Variants in PLCD3 observed in about 807,000 individuals in gnomAD.
The protein encoded by PLCD3 is 1-phosphatidylinositol 4,5-bisphosphate phosphodiesterase delta-3.
A neutral mutation model predicts 82.8 loss-of-function variants in PLCD3; 62 were observed. The observed-to-expected ratio is 0.75, with a 90% confidence interval of 0.61 to 0.93. The LOEUF (loss-of-function observed/expected upper bound fraction) is 0.93. PLCD3 is among the 40% of genes least tolerant of loss of function. The pLI is 0.00. For synonymous variants in PLCD3, 478 were observed against 471.8 expected, an observed-to-expected ratio of 1.01 and a Z score of -0.17; for missense variants, 1,023 against 1,103.4, an observed-to-expected ratio of 0.93 and a Z score of 1.03.
chr17:45,121,050 C>T lies in PLCD3; in HGVS notation c.406G>A (p.Ala136Thr), dbSNP rs951387875. The T allele has an allele frequency of 6.5e-7, 1 of 1,540,430 alleles. No homozygotes were observed. Among genetic ancestry groups the T allele is most frequent in the Non-Finnish European group, 8.7e-7 (1 of 1,151,006 alleles). The change falls in exon 3 of 15, where the codon GCG (alanine) becomes ACG (threonine). Residue 136 changes from alanine (A) to threonine (T), a missense_variant. Around this residue, in one of 3 missense-constraint regions of PLCD3, gnomAD observed 448 missense variants for 406.3 expected, o/e 1.10. Coordinates refer to ENST00000619929, the MANE Select transcript of PLCD3 (RefSeq NM_133373.5). ...TTGAAGGCGATGGTGAGGCAGCGCG[C>T]TGGCGCGAAGGCACCCCCGAAGCGC... The part of the protein sequence containing the change: ...LRRFGGAFAP[A>T]RCLTIAFKGR...
chr17:45,119,882 G>A (rs2054322648), intron 4 of PLCD3, among the ~76,000 whole-genome samples: 1 of 152,226 alleles, frequency 6.6e-6, no homozygotes, highest in African/African-American at 2.4e-5. Context: ...TAGCTGCAGA[G>A]CCCACTCCTG....
At chr17:45,116,521 A>G (rs555930532) in intron 8 of PLCD3, 111 bp downstream of exon 8, 5 of 1,175,172 alleles carry the variant, frequency 4.3e-6, no homozygotes, top group Non-Finnish European at 5.8e-6. Flanking sequence ...GAGAAAAGTT[A>G]AGGCAGCAAG....
chr17:45,121,346 C>G lies in PLCD3; in HGVS notation c.190G>C (p.Ala64Pro). The G allele has an allele frequency of 2.6e-6, 4 of 1,542,316 alleles. No homozygotes were observed. The highest frequency in any genetic ancestry group is 3.5e-6 in the Non-Finnish European group (4 of 1,152,308). The change falls in exon 2 of 15, where the codon GCC (alanine) becomes CCC (proline). Residue 64 changes from alanine (A) to proline (P), a missense_variant. Transcript: ENST00000619929. ...CGGAGCCGGGAGCCCCGCAGCATGG[C>G]GCGCACGTCCTCGTCCTCCGTCAGG... The part of the protein sequence containing the change: ...MGLTEDEDVR[A>P]MLRGSRLRKI...
chr17:45,114,474 C>A, intron 10 of PLCD3, 108 bp from the exon 11 acceptor site: 1 of 785,714 alleles, frequency 1.3e-6, no homozygotes, highest in South Asian at 1.8e-5. Context: ...CCAGGTCACC[C>A]TGCCCCCGCT....
Position 45,128,557 on chromosome 17 carries a change from G to A in PLCD3, c.163+3691C>T, listed in dbSNP as rs553809832. On this transcript the variant is annotated intron_variant, in intron 1 of 14. Transcript: ENST00000619929. ...AGACATCCCAGGCAGGCCATGGGCC[G>A]AGCCCTCTCGCTCAGGGGCACTTGG... 1.3e-3 allele frequency among the ~76,000 whole-genome samples: 199 copies of A among 152,330 alleles called. 1 individual carries two copies. The highest frequency in any genetic ancestry group is 4.4e-3 in the African/African-American group (182 of 41,590).
At chr17:45,117,739 TTTC>T (rs1366245790) in intron 7 of PLCD3, among the ~76,000 whole-genome samples, 1 of 152,182 alleles carries the variant, frequency 6.6e-6, no homozygotes, top group Non-Finnish European at 1.5e-5. Context: ...CCCCAAAGGT[TTTC>T]TTCTGGAAAC....
intron 1 of PLCD3, 82 bp from the exon 2 acceptor site, chr17:45,121,454 C>T (rs1245626485): frequency 1.4e-5 from 20 of 1,409,072 alleles, no homozygotes; most frequent in Non-Finnish European, 1.8e-5. Context: ...ACCTGCTGCC[C>T]CATCCTCCAG....
At position 45,110,958 on chromosome 17, in the gene PLCD3, T is replaced by A. The variant is rs1440234104; in HGVS notation, c.*1658A>T. The A allele has an allele frequency of 2.6e-5, 4 of 152,218 alleles. No homozygotes were observed. The East Asian group carries it at 7.7e-4, about 29-fold the overall frequency. 9.4% of individuals were successfully genotyped at this position (152,218 alleles called of 1,614,324 possible). On this transcript the variant is annotated 3_prime_UTR_variant, in exon 15 of 15. Transcript: ENST00000619929. ...GTCTGCCCCAGCCCTGTGTTTTGGT[T>A]TCTGTGGGGCTTGGGGCCAGTTCAA...
rs1369592760 is a variant in PLCD3, at chr17:45,109,215, A to G, written c.*3401T>C. ...TGTTGTCAGACCCTTCCCACCCGCC[A>G]GAGACGAGCTGCTATTGACCCAGGT... On this transcript the variant is annotated 3_prime_UTR_variant, in exon 15 of 15. Transcript: ENST00000619929. 1 of 152,254 alleles carries G rather than the reference A, an allele frequency of 6.6e-6. No individual in the cohort carries two copies. The highest frequency in any genetic ancestry group is 2.4e-5 in the African/African-American group (1 of 41,440). The allele number at this position is 152,254 out of a possible 1,614,324, so 9.4% of individuals were successfully genotyped here. A position where few individuals can be genotyped will look rare whatever the true frequency, so the allele number is the denominator to read the frequency against.
In PLCD3 at chr17:45,118,275, C is replaced by A. The variant is rs758580117; in HGVS notation, c.1115+16G>T. 1.9e-6 allele frequency: 3 copies of A among 1,613,762 alleles called. No individual in the cohort carries two copies. Among genetic ancestry groups the A allele is most frequent in the Non-Finnish European group, 2.5e-6 (3 of 1,179,802 alleles). On this transcript the variant is annotated intron_variant, in intron 6 of 14. Coordinates refer to ENST00000619929, the MANE Select transcript of PLCD3 (RefSeq NM_133373.5). This position sits in a 1 kb window ranked among gnomAD's most constrained non-coding sequence, Gnocchi z 4.1. The stretch of plus-strand genomic sequence containing the variant: ...CAGGTGGGGCTCCCGGAAACATTCA[C>A]CCCCTGCTACAGTACCTAACATAGG...
intron 1 of PLCD3, among the ~76,000 whole-genome samples, chr17:45,126,247 C>T (rs543405226): frequency 2.0e-5 from 3 of 151,634 alleles, no homozygotes; most frequent in East Asian, 1.9e-4. Context: ...GGGGTTTCAC[C>T]GTGTTAGCCA....
intron 1 of PLCD3, among the ~76,000 whole-genome samples, chr17:45,128,563 T>G (rs2054398156): frequency 6.6e-6 from 1 of 152,198 alleles, no homozygotes; most frequent in South Asian, 2.1e-4. Context: ...GGCCGAGCCC[T>G]CTCGCTCAGG....
intron 8 of PLCD3, 45 bp from the exon 9 acceptor site, chr17:45,115,535 C>A (rs1382161752): frequency 1.3e-6 from 2 of 1,523,104 alleles, no homozygotes; most frequent in South Asian, 2.4e-5. Context: ...CCTTCTCGCC[C>A]CTGTGGCAGC....
In PLCD3 at chr17:45,111,372, G is replaced by A. The variant is rs1378530194; in HGVS notation, c.*1244C>T. 8.0e-6 allele frequency: 1 copy of A among 124,904 alleles called. No individual in the cohort carries two copies. Among genetic ancestry groups the A allele is most frequent in the East Asian group, 2.0e-4 (1 of 4,978 alleles). 7.7% of individuals were successfully genotyped at this position (124,904 alleles called of 1,614,324 possible). ...ATTCAAGGCCCCTCTGTGTATGTGT[G>A]AGTGTGTGTGTGTGTGTGTGTGTGT... On this transcript the variant is annotated 3_prime_UTR_variant, in exon 15 of 15. Coordinates refer to ENST00000619929, the MANE Select transcript of PLCD3 (RefSeq NM_133373.5).
chr17:45,119,177 G>A (rs1188572390), intron 4 of PLCD3, 134 bp from the exon 5 acceptor site: 7 of 678,788 alleles, frequency 1.0e-5, no homozygotes, highest in Admixed American at 8.7e-5. Flanking sequence ...AGTAAGACTT[G>A]TGACTCTAGC....
chr17:45,125,386 G>A (rs773448849), intron 1 of PLCD3, among the ~76,000 whole-genome samples: 2 of 152,230 alleles, frequency 1.3e-5, no homozygotes, highest in Non-Finnish European at 2.9e-5. Context: ...ATCATTTGAG[G>A]TCAGGAGTTC....
In PLCD3 at chr17:45,112,487, T is replaced by C; in HGVS notation, c.*129A>G. On this transcript the variant is annotated 3_prime_UTR_variant, in exon 15 of 15. Coordinates refer to ENST00000619929, the MANE Select transcript of PLCD3 (RefSeq NM_133373.5). ...CCAGGTGAGACCAGCGCCTGGTGAA[T>C]GGGCTGAGTGGGCCAAGTGGGTGGG... 2 of 1,021,152 alleles carry C rather than the reference T, an allele frequency of 2.0e-6. No homozygotes were observed. Among genetic ancestry groups the C allele is most frequent in the East Asian group, 5.2e-5 (2 of 38,308 alleles). The allele number at this position is 1,021,152 out of a possible 1,614,324, so 63.3% of individuals were successfully genotyped here.
rs749699880 is a variant in PLCD3 at position 45,113,503 on chromosome 17, CGCAG to C, written c.1927_1930del (p.Leu643GlyfsTer24). The stretch of plus-strand genomic sequence containing the variant: ...GGGGTCAAAGGTCGAGTCAGGTTGC[CGCAG>C]GCAGGCAGGTTTTAGGACGTAGCCA... On this transcript the variant is annotated frameshift_variant, in exon 12 of 15. Transcript: ENST00000619929. LOFTEE classifies it high-confidence loss of function. 8.2e-6 allele frequency: 13 copies of C among 1,587,622 alleles called. No homozygotes were observed. The highest frequency in any genetic ancestry group is 1.1e-5 in the Non-Finnish European group (13 of 1,167,318).
intron 4 of PLCD3, among the ~76,000 whole-genome samples, chr17:45,119,316 C>A (rs960669934): frequency 1.3e-5 from 2 of 152,238 alleles, no homozygotes; most frequent in African/African-American, 2.4e-5. Context: ...CAGCTTCCAA[C>A]GCGTGATCTC....
Sources: allele counts gnomAD v4.1 joint callset (sites outside exome capture counted in the v4.1 genomes callset), GRCh38; gene constraint gnomAD v4.1.1; regional missense constraint gnomAD v4.1.1; non-coding constraint Gnocchi (gnomAD v3.1); transcripts MANE v1.5; gene names NCBI Gene and HGNC (gene_info 2026-07-23, HGNC 2026-07-21).